APOD: variants seen among roughly 807,000 people sequenced by gnomAD.
APOD encodes the protein apolipoprotein D.
A neutral mutation model predicts 20.4 loss-of-function variants in APOD; 22 were observed. The observed-to-expected ratio is 1.08, with a 90% CI of 0.77 to 1.54. The LOEUF (loss-of-function observed/expected upper bound fraction) is 1.54, where lower values mean the gene tolerates loss of function less well. Among genes scored for constraint, APOD ranks in the 40% most tolerant of loss-of-function variants. The pLI, the probability that APOD is intolerant of heterozygous loss-of-function variation, is 0.00. For synonymous variants in APOD, 97 were observed against 92.4 expected (o/e 1.05, Z -0.29); for missense variants, 223 against 229.6 (o/e 0.97, Z 0.19).
chr3:195,569,817 G>A (rs1359855006), intron 4 of APOD, among the ~76,000 whole-genome samples: 2 of 5,248 alleles, frequency 3.8e-4, no homozygotes, highest in Non-Finnish European at 6.8e-4. Flanking sequence ...TTTTTTTTTT[G>A]AGATGGAGTT....
At chr3:195,575,110 C>T (rs2108969327) in intron 2 of APOD, among the ~76,000 whole-genome samples, 1 of 152,320 alleles carries the variant, frequency 6.6e-6, no homozygotes. Flanking sequence ...AGTTTCCTTG[C>T]CTTTTCCAAG....
intron 2 of APOD, among the ~76,000 whole-genome samples, chr3:195,578,672 A>G (rs952437911): frequency 2.6e-5 from 4 of 151,946 alleles, no homozygotes; most frequent in Admixed American, 6.6e-5. Flanking sequence ...CCCCCTGGAG[A>G]ATTTTGGGCT....
At chr3:195,572,283 GA>G (rs1720174339) in intron 3 of APOD, among the ~76,000 whole-genome samples, 1 of 152,186 alleles carries the variant, frequency 6.6e-6, no homozygotes, top group Admixed American at 6.5e-5. Flanking sequence ...GAGTGTGGGG[GA>G]TTTCAATGTA....
chr3:195,581,068 G>C (rs924584672), intron 1 of APOD, among the ~76,000 whole-genome samples: 1 of 152,210 alleles, frequency 6.6e-6, no homozygotes, highest in African/African-American at 2.4e-5. Context: ...TGTCATTACA[G>C]GAATAATTAT....
intron 1 of APOD, 75 bp from the exon 2 acceptor site, chr3:195,579,570 G>A: frequency 6.7e-7 from 1 of 1,492,870 alleles, no homozygotes; most frequent in Non-Finnish European, 9.0e-7. Context: ...TAAGAGTGCT[G>A]TGCCCATGGT....
intron 2 of APOD, among the ~76,000 whole-genome samples, chr3:195,578,612 A>G (rs1458742027): frequency 3.3e-5 from 5 of 152,020 alleles, no homozygotes; most frequent in Non-Finnish European, 7.4e-5. Context: ...AAGACCATCT[A>G]TGGAGGAGCT....
intron 3 of APOD, among the ~76,000 whole-genome samples, chr3:195,572,823 C>T (rs113352586): frequency 0.074 from 11,224 of 151,394 alleles, 510 homozygotes; most frequent in South Asian, 0.13. Flanking sequence ...CCAGCCTGGC[C>T]AACACAGTGA....
chr3:195,579,399 T>G lies in APOD; in HGVS notation c.63A>C (p.Gln21His), dbSNP rs766193256. 1.2e-6 allele frequency: 2 copies of G among 1,614,224 alleles called. No homozygotes were observed. Among genetic ancestry groups the G allele is most frequent in the East Asian group, 2.2e-5 (1 of 44,880 alleles). ...LAGLFGAAEG[Q>H]AFHLGKCPNP... ...TGGGGCACTTCCCAAGATGAAATGC[T>G]TGTCCCTCTGCCGCACCGAAGAGGC... Residue 21 changes from glutamine to histidine, a missense_variant, in exon 2 of 5, where the codon CAA becomes CAC. Coordinates refer to ENST00000343267, the MANE Select transcript of APOD (RefSeq NM_001647.4).
intron 4 of APOD, among the ~76,000 whole-genome samples, chr3:195,569,999 C>T (rs1038089121): frequency 6.6e-6 from 1 of 151,936 alleles, no homozygotes; most frequent in Non-Finnish European, 1.5e-5. Flanking sequence ...CAGGGTTTCA[C>T]CATGTCGGCC....
Position 195,568,840 on chromosome 3 carries a change from G to GGGGT in APOD, c.*59_*60insACCC. On this transcript the variant is annotated 3_prime_UTR_variant, in exon 5 of 5. Transcript: ENST00000343267. The stretch of plus-strand genomic sequence containing the variant: ...GATTGGTTTGTCTTTATGGGGGGGG[G>GGGGT]GTAGGGGAAAGCGAAGCAGAAGTAA... 1 of 1,253,624 alleles carries GGGGT rather than the reference G, an allele frequency of 8.0e-7. No homozygotes were observed. The highest frequency in any genetic ancestry group is 1.6e-5 in the African/African-American group (1 of 61,402). The allele number at this position is 1,253,624 out of a possible 1,614,324, so 77.7% of individuals were successfully genotyped here.
intron 1 of APOD, among the ~76,000 whole-genome samples, chr3:195,582,413 G>A (rs1479913930): frequency 6.6e-6 from 1 of 152,114 alleles, no homozygotes; most frequent in East Asian, 1.9e-4. Flanking sequence ...TTCTTATGAG[G>A]AGTTTAAATA....
chr3:195,571,049 G>A, intron 4 of APOD: 1 of 565,350 alleles, frequency 1.8e-6, no homozygotes, highest in South Asian at 2.2e-5. Flanking sequence ...GGGGTCACGT[G>A]TCAGTATCCA....
chr3:195,580,333 G>A (rs1476402729), intron 1 of APOD, among the ~76,000 whole-genome samples: 1 of 148,394 alleles, frequency 6.7e-6, no homozygotes, highest in Non-Finnish European at 1.5e-5. Context: ...TATTTCCCAG[G>A]TTTCTTCTTT....
intron 3 of APOD, 96 bp from the exon 4 acceptor site, chr3:195,571,461 T>A (rs1037789414): frequency 1.7e-6 from 2 of 1,161,030 alleles, no homozygotes; most frequent in Non-Finnish European, 2.5e-6. Context: ...GCAAGATTTG[T>A]GCCACTAAGG....
At chr3:195,569,259 C>T in intron 4 of APOD, 124 bp from the exon 5 acceptor site, 1 of 781,342 alleles carries the variant, frequency 1.3e-6, no homozygotes, top group African/African-American at 1.7e-5. Flanking sequence ...GTTTATCAAT[C>T]CAGAAACAGA....
intron 4 of APOD, among the ~76,000 whole-genome samples, chr3:195,569,786 GTTTTTTTTTTTTTTTTTTTTT>G (rs543541862): frequency 1.8e-5 from 1 of 54,054 alleles, no homozygotes; most frequent in Non-Finnish European, 3.5e-5. Context: ...CTTCTTCTTC[GTTTTTTTTTTTTTTTTTTTTT>G]TTTTTTTTTG....
chr3:195,573,792 C>T, intron 3 of APOD, 58 bp downstream of exon 3: 1 of 1,590,232 alleles, frequency 6.3e-7, no homozygotes, highest in Non-Finnish European at 8.6e-7. Context: ...TGCCGGACAC[C>T]CAGTCACTCT....
Position 195,568,724 on chromosome 3 carries a change from C to T in APOD, c.*176G>A. Reference sequence around the variant, plus strand: ...TCCAACTTGGAATCTACTGCGAGCACAGCAGGTCAGCAACAAGTTTATTTT... The same window carrying T: ...TCCAACTTGGAATCTACTGCGAGCATAGCAGGTCAGCAACAAGTTTATTTT... On this transcript the variant is annotated 3_prime_UTR_variant, in exon 5 of 5. Transcript: ENST00000343267. The T allele has an allele frequency of 1.3e-5, 8 of 609,064 alleles. No individual in the cohort carries two copies. The South Asian group carries it at 1.6e-4, about 12-fold the overall frequency. 37.7% of individuals were successfully genotyped at this position (609,064 alleles called of 1,614,324 possible).
chr3:195,574,674 A>G (rs1720221515), intron 2 of APOD, among the ~76,000 whole-genome samples: 1 of 152,218 alleles, frequency 6.6e-6, no homozygotes, highest in African/African-American at 2.4e-5. Context: ...ACTTCTGGGA[A>G]TGCATCCTCC....
Sources: gnomAD v4.1 joint callset for allele counts (sites outside exome capture counted in the v4.1 genomes callset) on GRCh38, gnomAD v4.1.1 for gene constraint, MANE v1.5 for transcripts, NCBI Gene and HGNC (gene_info 2026-07-23, HGNC 2026-07-21) for gene names.